SLC2A9: variants seen among roughly 807,000 people sequenced by gnomAD.
SLC2A9 encodes the protein solute carrier family 2 member 9, also known as solute carrier family 2, facilitated glucose transporter member 9.
Under a neutral mutation model 50.6 loss-of-function variants are expected in SLC2A9, and 39 were observed. That is an observed-to-expected ratio of 0.77 (90% CI 0.60 to 1.01). The LOEUF (loss-of-function observed/expected upper bound fraction) is 1.01, where lower values mean the gene tolerates loss of function less well. SLC2A9 is among the 50% of genes least tolerant of loss of function. SLC2A9 has a pLI of 0.00. For synonymous variants in SLC2A9, 324 were observed against 276.9 expected, an observed-to-expected ratio of 1.17 and a Z score of -1.69; for missense variants, 686 against 677.6, an observed-to-expected ratio of 1.01 and a Z score of -0.14.
At chr4:9,893,249 T>A (rs1737870885) in intron 8 of SLC2A9, among the ~76,000 whole-genome samples, 1 of 151,706 alleles carries the variant, frequency 6.6e-6, no homozygotes, top group Non-Finnish European at 1.5e-5. Context: ...CATTCCTGGC[T>A]CTCTGATTCT....
chr4:9,911,854 T>G (rs1301846966), intron 7 of SLC2A9, among the ~76,000 whole-genome samples: 2 of 152,204 alleles, frequency 1.3e-5, no homozygotes, highest in Non-Finnish European at 1.5e-5. Context: ...GGAGATGTGA[T>G]TGCTTCTTGG....
chr4:9,907,935 T>G lies in SLC2A9; in HGVS notation c.1113+300A>C, dbSNP rs2280203. Among the ~76,000 whole-genome samples, 134,100 of 152,198 alleles carry G rather than the reference T, an allele frequency of 0.88. 60,152 individuals carry two copies. The highest frequency in any genetic ancestry group is 0.96 in the Non-Finnish European group (65,371 of 68,022). On this transcript the variant is annotated intron_variant, in intron 8 of 11. Coordinates refer to ENST00000264784, the MANE Select transcript of SLC2A9 (RefSeq NM_020041.3). ...CTAAAGAGATGCCTGTTTGTTGCCT[T>G]AGGTTCCCACATTGCAGTGTTGCCT...
downstream of SLC2A9, among the ~76,000 whole-genome samples, chr4:9,779,565 C>T (rs1272810155): frequency 1.3e-5 from 2 of 151,988 alleles, no homozygotes; most frequent in South Asian, 2.1e-4. Context: ...CAGGCGCCCG[C>T]CACCATGCTC....
chr4:9,957,746 T>C (rs982049983), intron 5 of SLC2A9, among the ~76,000 whole-genome samples: 4 of 151,848 alleles, frequency 2.6e-5, no homozygotes, highest in Non-Finnish European at 1.5e-5. Context: ...AAATGTTCCA[T>C]AAAGAACAAA....
At chr4:9,997,280 G>C (rs1366477780) in intron 2 of SLC2A9, among the ~76,000 whole-genome samples, 1 of 152,140 alleles carries the variant, frequency 6.6e-6, no homozygotes, top group Non-Finnish European at 1.5e-5. Context: ...GGGAGACAAA[G>C]TGACTTGCTA....
intron 5 of SLC2A9, among the ~76,000 whole-genome samples, chr4:9,969,089 C>T (rs899867624): frequency 6.6e-6 from 1 of 152,120 alleles, no homozygotes; most frequent in Non-Finnish European, 1.5e-5. Context: ...ATTTTCCAGT[C>T]AGGCCCCTAG....
chr4:9,799,691 T>TA (rs1721071526), intron 3 of SLC2A9, among the ~76,000 whole-genome samples: 181 of 41,394 alleles, frequency 4.4e-3, no homozygotes, highest in Admixed American at 8.9e-3. Flanking sequence ...ATTCCAATTG[T>TA]ACCCCCCCCC....
chr4:9,808,136 G>A (rs1722372692), intron 3 of SLC2A9, among the ~76,000 whole-genome samples: 1 of 152,184 alleles, frequency 6.6e-6, no homozygotes, highest in African/African-American at 2.4e-5. Context: ...ACGGTGTCTT[G>A]GCTGGAGCAG....
chr4:9,801,469 C>A (rs1577324240), intron 3 of SLC2A9, among the ~76,000 whole-genome samples: 2 of 152,188 alleles, frequency 1.3e-5, no homozygotes, highest in South Asian at 4.1e-4. Flanking sequence ...TAAATTCAAC[C>A]CCGTTGGAGA....
intron 3 of SLC2A9, among the ~76,000 whole-genome samples, chr4:9,808,908 G>A (rs560386268): frequency 6.6e-6 from 1 of 152,316 alleles, no homozygotes; most frequent in East Asian, 1.9e-4. Context: ...AATGACTCTG[G>A]CTTGGACTGT....
intron 3 of SLC2A9, among the ~76,000 whole-genome samples, chr4:9,991,997 A>C (rs1178937036): frequency 6.6e-6 from 1 of 152,244 alleles, no homozygotes; most frequent in African/African-American, 2.4e-5. Context: ...ATTTTCTACT[A>C]CTATAAAATA....
intron 10 of SLC2A9, among the ~76,000 whole-genome samples, chr4:9,852,704 G>T (rs1026956065): frequency 2.0e-5 from 3 of 152,184 alleles, no homozygotes; most frequent in Non-Finnish European, 2.9e-5. Flanking sequence ...AGTTCCTGAA[G>T]GGAGTGCTAA....
chr4:9,823,286 C>A (rs1002049012), downstream of SLC2A9, among the ~76,000 whole-genome samples: 2 of 152,120 alleles, frequency 1.3e-5, no homozygotes, highest in Non-Finnish European at 2.9e-5. Flanking sequence ...ACTAGAGATT[C>A]TTTTAGGGTC....
chr4:9,801,456 C>T (rs893180505), intron 3 of SLC2A9, among the ~76,000 whole-genome samples: 1 of 152,204 alleles, frequency 6.6e-6, no homozygotes, highest in African/African-American at 2.4e-5. Flanking sequence ...CTGGTTTACA[C>T]AATAAATTCA....
rs960367087 is a variant in SLC2A9 at position 9,920,282 on chromosome 4, G to T, written c.1002+103C>A. The T allele has an allele frequency of 3.2e-6, 4 of 1,250,656 alleles. No individual in the cohort carries two copies. In the African/African-American group the frequency reaches 5.9e-5, roughly 19 times the overall value. The allele number at this position is 1,250,656 out of a possible 1,614,324, so 77.5% of individuals were successfully genotyped here. On this transcript the variant is annotated intron_variant, in intron 7 of 11. Transcript: ENST00000264784. ...CAGCATAGAGTTTGTGGCAATGACA[G>T]AACTGAGATTTGAACCTGGGCGTCT...
At chr4:10,025,992 T>C (rs201988226), upstream of SLC2A9, 316 of 1,610,746 alleles carry the variant, frequency 2.0e-4, 1 homozygote, top group Non-Finnish European at 2.5e-4. Flanking sequence ...TTTTGAACTT[T>C]TGTTGTTATT....
At chr4:10,023,163 C>A (rs533145593), upstream of SLC2A9, among the ~76,000 whole-genome samples, 1 of 152,186 alleles carries the variant, frequency 6.6e-6, no homozygotes, top group Non-Finnish European at 1.5e-5. Context: ...GGCTTCTGAG[C>A]GGACAGAGAA....
intron 5 of SLC2A9, among the ~76,000 whole-genome samples, chr4:9,964,317 T>C (rs1752736695): frequency 6.6e-6 from 1 of 152,070 alleles, no homozygotes; most frequent in Admixed American, 6.5e-5. Context: ...TGGGAACACG[T>C]TTTGAGAACT....
intron 11 of SLC2A9, among the ~76,000 whole-genome samples, chr4:9,832,602 G>A (rs891481507): frequency 9.2e-5 from 14 of 152,112 alleles, no homozygotes; most frequent in East Asian, 1.9e-4. Context: ...GATTTGTTTC[G>A]AAAATGCCCA....
Sources: allele counts gnomAD v4.1 joint callset (sites outside exome capture counted in the v4.1 genomes callset), GRCh38; gene constraint gnomAD v4.1.1; transcripts MANE v1.5; gene names NCBI Gene and HGNC (gene_info 2026-07-23, HGNC 2026-07-21).